The following GPR158 variants were observed in gnomAD, a reference collection of about 807,000 sequenced individuals.
The protein encoded by GPR158 is G protein-coupled receptor 158.
In GPR158, 30 loss-of-function variants were observed where a neutral mutation model predicts 78.2. That is an observed-to-expected ratio of 0.38 (90% confidence interval 0.29 to 0.52). The LOEUF is 0.52. Among genes scored for constraint, GPR158 ranks in the 20% least tolerant of loss-of-function variants. The pLI is 0.83. For synonymous variants in GPR158, 581 were observed against 591.1 expected, an observed-to-expected ratio of 0.98 and a Z score of 0.25; for missense variants, 1,463 against 1,523.5, an observed-to-expected ratio of 0.96 and a Z score of 0.66.
intron 2 of GPR158, among the ~76,000 whole-genome samples, chr10:25,241,377 T>C (rs199934902): frequency 3.1e-5 from 3 of 97,064 alleles, no homozygotes; most frequent in East Asian, 2.4e-4. Context: ...CTTTTCTCTC[T>C]TCTCTTCTCT....
At chr10:25,365,450 G>A (rs928958525) in intron 2 of GPR158, among the ~76,000 whole-genome samples, 1 of 151,532 alleles carries the variant, frequency 6.6e-6, no homozygotes, top group African/African-American at 2.4e-5. Flanking sequence ...ATTTCACTGG[G>A]GAAATGCATA....
At chr10:25,278,136 G>T (rs1854211780) in intron 2 of GPR158, among the ~76,000 whole-genome samples, 1 of 152,030 alleles carries the variant, frequency 6.6e-6, no homozygotes, top group African/African-American at 2.4e-5. Context: ...ATGACAACAG[G>T]TTTAGATTTT....
intron 7 of GPR158, among the ~76,000 whole-genome samples, chr10:25,575,291 A>T (rs796867262): frequency 5.3e-5 from 8 of 152,312 alleles, no homozygotes; most frequent in African/African-American, 1.7e-4. Context: ...GATATAATGA[A>T]TCGGTAAATT....
At chr10:25,248,143 G>C (rs539359857) in intron 2 of GPR158, among the ~76,000 whole-genome samples, 2 of 147,430 alleles carry the variant, frequency 1.4e-5, no homozygotes, top group African/African-American at 2.6e-5. Flanking sequence ...CATATCCTTC[G>C]CCCACTTTTT....
chr10:25,528,237 T>A (rs1179243301), intron 5 of GPR158, among the ~76,000 whole-genome samples: 1 of 151,850 alleles, frequency 6.6e-6, no homozygotes, highest in East Asian at 1.9e-4. Flanking sequence ...AAGATATAAT[T>A]AGAAAAGAAC....
intron 1 of GPR158, among the ~76,000 whole-genome samples, chr10:25,220,318 A>G (rs1401731480): frequency 6.6e-6 from 1 of 152,150 alleles, no homozygotes; most frequent in African/African-American, 2.4e-5. Flanking sequence ...GAAAACAGAG[A>G]GAGAAAGTTG....
chr10:25,592,578 G>T (rs1449732663), intron 8 of GPR158, among the ~76,000 whole-genome samples: 1 of 151,866 alleles, frequency 6.6e-6, no homozygotes, highest in Non-Finnish European at 1.5e-5. Context: ...TAAAAACCTG[G>T]CAGTAATTTA....
chr10:25,497,391 G>C (rs935450064), intron 5 of GPR158, among the ~76,000 whole-genome samples: 26 of 152,176 alleles, frequency 1.7e-4, no homozygotes, highest in Non-Finnish European at 4.4e-5. Context: ...ATGTGAGGGA[G>C]AGTTATGAGA....
chr10:25,220,995 C>A, intron 1 of GPR158, 57 bp from the exon 2 acceptor site: 1 of 990,456 alleles, frequency 1.0e-6, no homozygotes, highest in Non-Finnish European at 1.5e-6. Flanking sequence ...GCTTAAAATA[C>A]AGAGAAATCA....
chr10:25,491,779 C>G (rs1336135966), intron 5 of GPR158, among the ~76,000 whole-genome samples: 1 of 151,568 alleles, frequency 6.6e-6, no homozygotes, highest in Non-Finnish European at 1.5e-5. Context: ...TATATCTGTT[C>G]TTTATATCAC....
chr10:25,409,995 A>G (rs1834563730), intron 3 of GPR158, among the ~76,000 whole-genome samples: 1 of 152,214 alleles, frequency 6.6e-6, no homozygotes, highest in Non-Finnish European at 1.5e-5. Flanking sequence ...AGGTCAGTGA[A>G]GGATAAAATA....
chr10:25,336,849 C>T (rs182026618), intron 2 of GPR158, among the ~76,000 whole-genome samples: 1 of 152,064 alleles, frequency 6.6e-6, no homozygotes, highest in South Asian at 2.1e-4. Context: ...GAACTGTCAA[C>T]CTCTTGGATT....
intron 2 of GPR158, among the ~76,000 whole-genome samples, chr10:25,252,996 G>C (rs1212577746): frequency 6.6e-6 from 1 of 152,214 alleles, no homozygotes; most frequent in Admixed American, 6.5e-5. Flanking sequence ...TCAGAGCCAG[G>C]TGTGGGATAT....
chr10:25,529,897 A>T (rs1316996487), intron 5 of GPR158, among the ~76,000 whole-genome samples: 2 of 152,084 alleles, frequency 1.3e-5, no homozygotes, highest in Non-Finnish European at 2.9e-5. Flanking sequence ...TCCCCTAACA[A>T]CTGCCAAGCA....
At chr10:25,303,553 C>T (rs1854628721) in intron 2 of GPR158, among the ~76,000 whole-genome samples, 1 of 152,146 alleles carries the variant, frequency 6.6e-6, no homozygotes, top group Non-Finnish European at 1.5e-5. Flanking sequence ...TTGAGAGCAT[C>T]TTAGGAATAA....
At chr10:25,281,249 AG>A (rs1588772988) in intron 2 of GPR158, among the ~76,000 whole-genome samples, 1 of 151,870 alleles carries the variant, frequency 6.6e-6, no homozygotes, top group African/African-American at 2.4e-5. Context: ...AGAAAAAAAA[AG>A]AAATCAAAAT....
intron 6 of GPR158, among the ~76,000 whole-genome samples, chr10:25,552,926 A>G (rs1588909457): frequency 6.6e-6 from 1 of 152,232 alleles, no homozygotes; most frequent in East Asian, 1.9e-4. Context: ...TTTCAGCAGA[A>G]AGATTAGTTG....
At chr10:25,210,414 G>A (rs1853111547) in intron 1 of GPR158, among the ~76,000 whole-genome samples, 1 of 152,130 alleles carries the variant, frequency 6.6e-6, no homozygotes, top group South Asian at 2.1e-4. Flanking sequence ...CATAGGGAGG[G>A]GTAAACTCAA....
chr10:25,363,625 T>G (rs546976080), intron 2 of GPR158, among the ~76,000 whole-genome samples: 2 of 152,018 alleles, frequency 1.3e-5, no homozygotes, highest in South Asian at 4.1e-4. Flanking sequence ...TCTGATTAGA[T>G]CTTACAATGA....
Sources: gnomAD v4.1 joint callset for allele counts (sites outside exome capture counted in the v4.1 genomes callset) on GRCh38, gnomAD v4.1.1 for gene constraint, MANE v1.5 for transcripts, NCBI Gene and HGNC (gene_info 2026-07-23, HGNC 2026-07-21) for gene names.